LSAMP: variants seen among roughly 807,000 people sequenced by gnomAD.
The protein encoded by LSAMP is limbic system associated membrane protein.
LSAMP carries 7 observed loss-of-function variants against 38.6 expected under a neutral mutation model. The ratio of observed to expected loss-of-function variants is 0.18; its 90% CI spans 0.10 to 0.34. The LOEUF is 0.34. Among genes scored for constraint, LSAMP ranks in the 10% least tolerant of loss-of-function variants. LSAMP has a pLI of 1.00. For synonymous variants in LSAMP, 154 were observed against 166.8 expected (o/e 0.92, Z 0.59); for missense variants, 313 against 420.0 (o/e 0.75, Z 2.23).
intron 1 of LSAMP, among the ~76,000 whole-genome samples, chr3:116,228,386 A>G (rs2046365285): frequency 6.6e-6 from 1 of 152,068 alleles, no homozygotes; most frequent in African/African-American, 2.4e-5. Flanking sequence ...AATCTGACAG[A>G]CTTAGGTTTG....
At position 115,807,743 on chromosome 3, in the gene LSAMP, A is replaced by G. The variant is rs1246301060; in HGVS notation, c.*2574T>C. The G allele has an allele frequency of 6.6e-6, 1 of 152,214 alleles. No individual in the cohort carries two copies. The highest frequency in any genetic ancestry group is 1.9e-4 in the East Asian group (1 of 5,204). 9.4% of individuals were successfully genotyped at this position (152,214 alleles called of 1,614,324 possible). A position where few individuals can be genotyped will look rare whatever the true frequency, so the allele number is the denominator to read the frequency against. On this transcript the variant is annotated 3_prime_UTR_variant, in exon 7 of 7. Coordinates refer to ENST00000490035, the MANE Select transcript of LSAMP (RefSeq NM_002338.5). ...CAATTTTTGGGGAATGCTTATTATT[A>G]AAGATGATACCCTTTATTCTTGAAC... is the stretch of plus-strand genomic sequence containing the variant.
intron 6 of LSAMP, among the ~76,000 whole-genome samples, chr3:115,818,787 C>CA (rs1559834658): frequency 1.2e-4 from 3 of 24,514 alleles, no homozygotes; most frequent in Non-Finnish European, 1.9e-4. Context: ...GAAAGTTGTA[C>CA]TTTTATATAT....
intron 1 of LSAMP, among the ~76,000 whole-genome samples, chr3:116,313,982 G>A (rs937662505): frequency 6.6e-6 from 1 of 152,132 alleles, no homozygotes; most frequent in African/African-American, 2.4e-5. Flanking sequence ...TGGACTGTAC[G>A]AAGTCTTGTG....
intron 1 of LSAMP, among the ~76,000 whole-genome samples, chr3:116,132,849 A>G (rs1035461181): frequency 5.3e-5 from 8 of 152,176 alleles, no homozygotes; most frequent in Non-Finnish European, 1.0e-4. Flanking sequence ...ATGTGCTTGA[A>G]TTACCCTGTG....
At chr3:115,896,629 T>G (rs1936735273) in intron 3 of LSAMP, among the ~76,000 whole-genome samples, 1 of 152,062 alleles carries the variant, frequency 6.6e-6, no homozygotes, top group Non-Finnish European at 1.5e-5. Flanking sequence ...TAATCAAAAC[T>G]GTGCCTTGCT....
intron 3 of LSAMP, among the ~76,000 whole-genome samples, chr3:115,874,525 C>G (rs1030657349): frequency 6.6e-6 from 1 of 152,052 alleles, no homozygotes; most frequent in Non-Finnish European, 1.5e-5. Flanking sequence ...CTGCTCCAGG[C>G]CCATTTATCT....
chr3:116,011,386 A>G (rs1940320110), intron 3 of LSAMP, among the ~76,000 whole-genome samples: 1 of 152,190 alleles, frequency 6.6e-6, no homozygotes, highest in Admixed American at 6.5e-5. Context: ...GTCATGTATC[A>G]AGTAGAAAGC....
intron 1 of LSAMP, among the ~76,000 whole-genome samples, chr3:116,321,138 G>T (rs563741622): frequency 5.9e-5 from 9 of 152,300 alleles, no homozygotes; most frequent in African/African-American, 2.2e-4. Flanking sequence ...TTTAGGAGGG[G>T]TGGTAGGATC....
intron 1 of LSAMP, among the ~76,000 whole-genome samples, chr3:116,126,349 G>A (rs1056407833): frequency 1.3e-5 from 2 of 152,204 alleles, no homozygotes; most frequent in Non-Finnish European, 2.9e-5. Context: ...CCTCTCAAGG[G>A]TGCTATAAAT....
intron 3 of LSAMP, among the ~76,000 whole-genome samples, chr3:115,981,081 C>T (rs1253464660): frequency 6.6e-6 from 1 of 152,082 alleles, no homozygotes; most frequent in Non-Finnish European, 1.5e-5. Context: ...AACTATAACC[C>T]AGCAATGACA....
intron 1 of LSAMP, among the ~76,000 whole-genome samples, chr3:116,234,474 T>C (rs2046440986): frequency 7.8e-6 from 1 of 128,740 alleles, no homozygotes; most frequent in African/African-American, 2.7e-5. Context: ...ATATTTATCA[T>C]ATATCTATGA....
intron 3 of LSAMP, among the ~76,000 whole-genome samples, chr3:115,985,993 G>A (rs528827873): frequency 2.0e-5 from 3 of 152,040 alleles, no homozygotes; most frequent in Non-Finnish European, 2.9e-5. Context: ...AATATATAAC[G>A]AATACAACTG....
intron 3 of LSAMP, among the ~76,000 whole-genome samples, chr3:115,890,337 T>C (rs768782806): frequency 2.0e-5 from 3 of 151,930 alleles, no homozygotes; most frequent in Non-Finnish European, 2.9e-5. Context: ...TGTAACTATA[T>C]GTCATATAAT....
intron 2 of LSAMP, among the ~76,000 whole-genome samples, chr3:116,023,932 C>T (rs1268154686): frequency 6.6e-6 from 1 of 152,166 alleles, no homozygotes; most frequent in Non-Finnish European, 1.5e-5. Context: ...TTTCTTCCTA[C>T]ATGAAATAGT....
intron 1 of LSAMP, among the ~76,000 whole-genome samples, chr3:116,416,572 T>C (rs911917685): frequency 6.6e-6 from 1 of 152,188 alleles, no homozygotes; most frequent in Non-Finnish European, 1.5e-5. Flanking sequence ...AAACACCACA[T>C]TCTTTCATGC....
rs538577934 is a variant in LSAMP, at chr3:116,437,027, A to G, written c.155+7850T>C. Among the ~76,000 whole-genome samples, 60 of 141,112 alleles carry G rather than the reference A, an allele frequency of 4.3e-4. 1 individual carries two copies. Among genetic ancestry groups the G allele is most frequent in the African/African-American group, 1.3e-3 (47 of 35,552 alleles). 92.6% of individuals were successfully genotyped at this position (141,112 alleles called of 152,430 possible). On this transcript the variant is annotated intron_variant, in intron 1 of 6. Coordinates refer to ENST00000490035, the MANE Select transcript of LSAMP (RefSeq NM_002338.5). ...TATATGTGTATATATATGTGTGTGTATATATATATATGTGTATATATATAT... is the reference window on the plus strand; with the variant it reads ...TATATGTGTATATATATGTGTGTGTGTATATATATATGTGTATATATATAT...
intron 1 of LSAMP, among the ~76,000 whole-genome samples, chr3:116,436,585 A>G (rs2107881764): frequency 6.6e-6 from 1 of 152,340 alleles, no homozygotes; most frequent in African/African-American, 2.4e-5. Flanking sequence ...CAAACATATG[A>G]AAGAATGCTC....
At position 116,205,078 on chromosome 3, in the gene LSAMP, T is replaced by A. The variant is rs940792559; in HGVS notation, c.156-118522A>T. On this transcript the variant is annotated intron_variant, in intron 1 of 6. Coordinates refer to ENST00000490035, the MANE Select transcript of LSAMP (RefSeq NM_002338.5). The stretch of plus-strand genomic sequence containing the variant: ...TTGTTTGTATCCTCTTTTATTTCGT[T>A]GAGCAGTGGTTTGTAGTTCTCCTTG... 2.2e-4 allele frequency among the ~76,000 whole-genome samples: 31 copies of A among 143,916 alleles called. 1 individual carries two copies. Among genetic ancestry groups the A allele is most frequent in the African/African-American group, 7.6e-4 (30 of 39,362 alleles). 94.4% of individuals were successfully genotyped at this position (143,916 alleles called of 152,430 possible).
chr3:116,255,527 C>T (rs2279109), intron 1 of LSAMP, among the ~76,000 whole-genome samples: 117,758 of 152,186 alleles, frequency 0.77, 46,115 homozygotes, highest in Non-Finnish European at 0.84. Flanking sequence ...AAAAATTGCA[C>T]ATGGTCTTCT....
Sources: allele counts gnomAD v4.1 joint callset (sites outside exome capture counted in the v4.1 genomes callset), GRCh38; gene constraint gnomAD v4.1.1; transcripts MANE v1.5; gene names NCBI Gene and HGNC (gene_info 2026-07-23, HGNC 2026-07-21).